TRPM1: variants seen among roughly 807,000 people sequenced by gnomAD.
TRPM1 encodes the protein TRPM1-203 APA Isoform, Intron 10.
In TRPM1, 113 loss-of-function variants were observed where a neutral mutation model predicts 149.4. The ratio of observed to expected loss-of-function variants is 0.76; its 90% CI spans 0.65 to 0.88. The LOEUF (loss-of-function observed/expected upper bound fraction) is 0.88. Among genes scored for constraint, TRPM1 ranks in the 40% least tolerant of loss-of-function variants. The probability of loss-of-function intolerance (pLI) is 0.00; values close to 1 mark genes in which losing one functional copy is unlikely to be tolerated. For missense variants in TRPM1, 1,976 were observed against 2,038.7 expected, an observed-to-expected ratio of 0.97 and a Z score of 0.59; for synonymous variants, 741 against 759.5, an observed-to-expected ratio of 0.98 and a Z score of 0.40.
At chr15:31,008,661 T>C (rs2032079351) in intron 27 of TRPM1, among the ~76,000 whole-genome samples, 1 of 152,198 alleles carries the variant, frequency 6.6e-6, no homozygotes, top group Non-Finnish European at 1.5e-5. Flanking sequence ...GGTTTTGGTA[T>C]CATGGTGATG....
chr15:31,060,719 G>A lies in TRPM1; in HGVS notation c.1163-75C>T, dbSNP rs558419672. On this transcript the variant is annotated intron_variant, in intron 10 of 27. Coordinates refer to ENST00000256552, the MANE Select transcript of TRPM1 (RefSeq NM_001252024.2). ...CAGGGTTTGGCAGGTGCTGGGTGGT[G>A]AGCACAGGCTTCCCTTGGGCTGCTG... is the stretch of plus-strand genomic sequence containing the variant. The A allele has an allele frequency of 5.4e-5, 64 of 1,177,234 alleles. No individual in the cohort carries two copies. The East Asian group carries it at 1.3e-3, about 23-fold the overall frequency. 72.9% of individuals were successfully genotyped at this position (1,177,234 alleles called of 1,614,324 possible).
intron 1 of TRPM1, among the ~76,000 whole-genome samples, chr15:31,113,593 T>G (rs1258581213): frequency 1.3e-5 from 2 of 152,176 alleles, no homozygotes; most frequent in Non-Finnish European, 2.9e-5. Context: ...AACTGCAGGT[T>G]TGTTACACAA....
chr15:31,073,638 G>T (rs2140972756), intron 3 of TRPM1, among the ~76,000 whole-genome samples: 1 of 152,126 alleles, frequency 6.6e-6, no homozygotes, highest in African/African-American at 2.4e-5. Flanking sequence ...ATAAGATTAT[G>T]TCATCTGCAA....
In TRPM1 at chr15:31,148,245, T is replaced by C. The variant is rs191824781; in HGVS notation, c.54+12661A>G. On this transcript the variant is annotated intron_variant, in intron 1 of 26. Transcript: ENST00000542188. ...CAAAGATTCTCAAATGAAATGGATC[T>C]GAATGGTAGGTGCGAGGACAGCAGG... Among the ~76,000 whole-genome samples the C allele has an allele frequency of 9.8e-5, 15 of 152,302 alleles. No homozygotes were observed. In the East Asian group the frequency reaches 2.9e-3, roughly 29 times the overall value.
chr15:31,081,519 T>G (rs1172231937), intron 1 of TRPM1, 81 bp from the exon 2 acceptor site: 1 of 911,024 alleles, frequency 1.1e-6, no homozygotes, highest in Non-Finnish European at 1.7e-6. Flanking sequence ...AATCCTGCCC[T>G]CCCTTTGTTC....
upstream of TRPM1, among the ~76,000 whole-genome samples, chr15:31,104,837 G>A (rs138216706): frequency 3.1e-3 from 464 of 151,894 alleles, no homozygotes; most frequent in African/African-American, 0.011. Context: ...CTTGTGATCC[G>A]CCCACCCTGG....
At chr15:31,071,306 G>A (rs990199385) in intron 3 of TRPM1, among the ~76,000 whole-genome samples, 27 of 152,322 alleles carry the variant, frequency 1.8e-4, no homozygotes, top group African/African-American at 6.5e-4. Context: ...AGGAGCCTGT[G>A]TGGGCAGCCG....
At chr15:31,104,354 G>A (rs1448584186), upstream of TRPM1, among the ~76,000 whole-genome samples, 1 of 152,160 alleles carries the variant, frequency 6.6e-6, no homozygotes, top group African/African-American at 2.4e-5. Context: ...GGTCCTGGTT[G>A]GACTCTGAGA....
chr15:31,047,910 C>T lies in TRPM1; in HGVS notation c.1602G>A (p.Leu534=), dbSNP rs368601558. Residue 534 remains leucine (L), a synonymous_variant, in exon 14 of 28, where the codon CTG becomes CTA. Transcript: ENST00000256552. Reference sequence around the variant, plus strand: ...TGACCTTTTTCACATCCCTCACCAGCAGATGAAGTGTGTTTGGTGGACCCA... The same window carrying T: ...TGACCTTTTTCACATCCCTCACCAGTAGATGAAGTGTGTTTGGTGGACCCA... ...TRLGPPNTLH[L]LVRDVKKSNL... 53 of 1,613,936 alleles carry T rather than the reference C, an allele frequency of 3.3e-5. No individual in the cohort carries two copies. The African/African-American group carries it at 6.7e-4, about 20-fold the overall frequency.
chr15:31,147,129 T>G (rs2036233609), intron 1 of TRPM1, among the ~76,000 whole-genome samples: 1 of 152,250 alleles, frequency 6.6e-6, no homozygotes, highest in Non-Finnish European at 1.5e-5. Flanking sequence ...TATTGCCTGA[T>G]TCTAGAATTG....
At chr15:31,089,803 T>C (rs577774384) in intron 1 of TRPM1, among the ~76,000 whole-genome samples, 1 of 152,274 alleles carries the variant, frequency 6.6e-6, no homozygotes, top group South Asian at 2.1e-4. Context: ...CATAAGCTTT[T>C]GGGCCCCAGA....
At position 31,088,824 on chromosome 15, in the gene TRPM1, C is replaced by T. The variant is rs147105383; in HGVS notation, c.-83-7386G>A. 4.2e-3 allele frequency among the ~76,000 whole-genome samples: 634 copies of T among 151,050 alleles called. 6 individuals are homozygous for T. The highest frequency in any genetic ancestry group is 5.8e-3 in the Non-Finnish European group (396 of 67,874). On this transcript the variant is annotated intron_variant, in intron 1 of 27. Transcript: ENST00000256552. ...TGCTGGGGGGATGCGTCAGAGGAGG[C>T]CTTTGTACCGGGGCGATGCGATAAG...
At chr15:31,047,057 G>A in intron 15 of TRPM1, 54 bp downstream of exon 15, 1 of 1,613,176 alleles carries the variant, frequency 6.2e-7, no homozygotes, top group Non-Finnish European at 8.5e-7. Flanking sequence ...AAGCAAGCGA[G>A]GAACCACATG....
At position 31,001,750 on chromosome 15, in the gene TRPM1, G is replaced by A; in HGVS notation, c.*72C>T. ...GAAAATGTTTTTAGAAATTGATGAT[G>A]TTTAGATGGCCAAGATGACACCCAT... On this transcript the variant is annotated 3_prime_UTR_variant, in exon 28 of 28. Transcript: ENST00000256552. The A allele has an allele frequency of 3.3e-6, 5 of 1,516,350 alleles. No individual in the cohort carries two copies. Among genetic ancestry groups the A allele is most frequent in the Non-Finnish European group, 4.4e-6 (5 of 1,126,888 alleles). The allele number at this position is 1,516,350 out of a possible 1,614,324, so 93.9% of individuals were successfully genotyped here. A position where few individuals can be genotyped will look rare whatever the true frequency, so the allele number is the denominator to read the frequency against.
intron 1 of TRPM1, among the ~76,000 whole-genome samples, chr15:31,086,560 G>A (rs994570195): frequency 6.6e-6 from 1 of 152,258 alleles, no homozygotes; most frequent in Middle Eastern, 3.4e-3. Context: ...CTGGCTTCTG[G>A]GTGCCTGTGG....
At chr15:31,130,351 C>A (rs982444687) in intron 1 of TRPM1, among the ~76,000 whole-genome samples, 2 of 152,222 alleles carry the variant, frequency 1.3e-5, no homozygotes, top group Non-Finnish European at 2.9e-5. Context: ...CTTCTAACCT[C>A]CAAACTGTCC....
intron 1 of TRPM1, among the ~76,000 whole-genome samples, chr15:31,113,219 A>C (rs116603240): frequency 0.013 from 1,969 of 152,196 alleles, 54 homozygotes; most frequent in African/African-American, 0.045. Flanking sequence ...ACAGGAGTGA[A>C]TCTCCCAGCC....
At chr15:31,043,248 C>T (rs2033672205) in intron 16 of TRPM1, among the ~76,000 whole-genome samples, 1 of 152,202 alleles carries the variant, frequency 6.6e-6, no homozygotes, top group African/African-American at 2.4e-5. Flanking sequence ...GGCTGGAGTG[C>T]AGTGGCACCA....
At chr15:31,076,020 T>C (rs936920258) in intron 3 of TRPM1, among the ~76,000 whole-genome samples, 1 of 151,962 alleles carries the variant, frequency 6.6e-6, no homozygotes. Flanking sequence ...GCACAGAGAG[T>C]TCCCAGGATG....
Sources: allele counts gnomAD v4.1 joint callset (sites outside exome capture counted in the v4.1 genomes callset), GRCh38; gene constraint gnomAD v4.1.1; transcripts MANE v1.5; gene names NCBI Gene and HGNC (gene_info 2026-07-23, HGNC 2026-07-21).